GRIK3: variants seen among roughly 807,000 people sequenced by gnomAD.
GRIK3 encodes glutamate ionotropic receptor kainate type subunit 3, also known as glutamate receptor ionotropic, kainate 3.
GRIK3 carries 29 observed loss-of-function variants against 102.5 expected under a neutral mutation model. The observed-to-expected ratio is 0.28, with a 90% CI of 0.21 to 0.39. The LOEUF (loss-of-function observed/expected upper bound fraction) is 0.39, where lower values mean the gene tolerates loss of function less well. Among genes scored for constraint, GRIK3 ranks in the 10% least tolerant of loss-of-function variants. GRIK3 has a pLI of 1.00. For synonymous variants in GRIK3, 511 were observed against 504.9 expected, an observed-to-expected ratio of 1.01 and a Z score of -0.16; for missense variants, 908 against 1,252.4, an observed-to-expected ratio of 0.73 and a Z score of 4.15.
chr1:37,000,883 T>A (rs1274849525), intron 1 of GRIK3, among the ~76,000 whole-genome samples: 6 of 151,672 alleles, frequency 4.0e-5, no homozygotes, highest in African/African-American at 1.5e-4. Context: ...CCCAAGGGAG[T>A]CTTTCATCTC....
chr1:36,824,996 A>C (rs1642740183), intron 11 of GRIK3, among the ~76,000 whole-genome samples: 1 of 152,198 alleles, frequency 6.6e-6, no homozygotes, highest in Non-Finnish European at 1.5e-5. Flanking sequence ...TTCGCCAAAC[A>C]CTGGGCGAAA....
chr1:36,818,173 A>G (rs1428564096), intron 12 of GRIK3, among the ~76,000 whole-genome samples: 3 of 151,996 alleles, frequency 2.0e-5, no homozygotes, highest in Non-Finnish European at 4.4e-5. Context: ...ATACATAACT[A>G]TTTTTCTCCC....
intron 13 of GRIK3, among the ~76,000 whole-genome samples, chr1:36,808,682 G>A (rs908244368): frequency 6.6e-6 from 1 of 152,198 alleles, no homozygotes; most frequent in Non-Finnish European, 1.5e-5. Flanking sequence ...GCAGCCCCAT[G>A]AGGGACCCTG....
rs751325565 is a variant in GRIK3 at position 36,869,728 on chromosome 1, A to G, written c.786+20T>C. 14 of 1,583,032 alleles carry G rather than the reference A, an allele frequency of 8.8e-6. No homozygotes were observed. The highest frequency in any genetic ancestry group is 1.0e-5 in the Non-Finnish European group (12 of 1,151,576). On this transcript the variant is annotated intron_variant, in intron 5 of 15. Coordinates refer to ENST00000373091, the MANE Select transcript of GRIK3 (RefSeq NM_000831.4). ...GAGAGTCCCACCCCTTTCCCGTGCC[A>G]GGACCCAGAGGTACATTACCAGAGT...
intron 1 of GRIK3, among the ~76,000 whole-genome samples, chr1:36,926,440 G>A (rs987235230): frequency 2.6e-5 from 4 of 151,626 alleles, no homozygotes; most frequent in African/African-American, 9.7e-5. Context: ...ACCCAGGCTG[G>A]AGTGCAACAG....
At chr1:36,809,771 A>G (rs1450295381) in intron 13 of GRIK3, among the ~76,000 whole-genome samples, 1 of 152,226 alleles carries the variant, frequency 6.6e-6, no homozygotes, top group Admixed American at 6.5e-5. Context: ...GAGGAAAGAC[A>G]CAAGAAAGGC....
intron 10 of GRIK3, among the ~76,000 whole-genome samples, chr1:36,835,937 C>G (rs1041870441): frequency 3.3e-5 from 5 of 152,152 alleles, no homozygotes; most frequent in Non-Finnish European, 5.9e-5. Context: ...CCTGGTCTCC[C>G]CAGACAGACC....
intron 1 of GRIK3, among the ~76,000 whole-genome samples, chr1:37,006,075 A>G (rs1335052390): frequency 6.6e-6 from 1 of 152,158 alleles, no homozygotes; most frequent in Non-Finnish European, 1.5e-5. Context: ...GTGCATTTGA[A>G]TCTGTGGGAG....
Position 36,942,338 on chromosome 1 carries a change from G to A in GRIK3, c.116-51242C>T, listed in dbSNP as rs771065888. Reference sequence around the variant, plus strand: ...AGGAAAGGGCCGAGCTGATAGCAGCGTCTGCCAGCTTGTCAGTTCTGCGGA... The same window carrying A: ...AGGAAAGGGCCGAGCTGATAGCAGCATCTGCCAGCTTGTCAGTTCTGCGGA... On this transcript the variant is annotated intron_variant, in intron 1 of 15. Transcript: ENST00000373091. Among the ~76,000 whole-genome samples the A allele has an allele frequency of 1.4e-4, 21 of 152,342 alleles. No homozygotes were observed. The South Asian group carries it at 2.5e-3, about 18-fold the overall frequency.
At chr1:37,020,315 T>TC (rs1642695989) in intron 1 of GRIK3, among the ~76,000 whole-genome samples, 1 of 152,184 alleles carries the variant, frequency 6.6e-6, no homozygotes, top group Non-Finnish European at 1.5e-5. Context: ...CACATTTAAT[T>TC]CCCATCACCT....
chr1:36,887,140 A>G (rs1641046698), intron 2 of GRIK3, among the ~76,000 whole-genome samples: 1 of 152,226 alleles, frequency 6.6e-6, no homozygotes, highest in African/African-American at 2.4e-5. Context: ...CATTGTATAG[A>G]AAAAATAAGC....
At chr1:36,870,066 C>T (rs1013890932) in intron 4 of GRIK3, among the ~76,000 whole-genome samples, 6 of 152,254 alleles carry the variant, frequency 3.9e-5, no homozygotes, top group African/African-American at 1.4e-4. Context: ...ATTCCAAATT[C>T]TGCAGGGCCC....
chr1:36,908,686 T>C (rs767394401), intron 1 of GRIK3, among the ~76,000 whole-genome samples: 1 of 152,222 alleles, frequency 6.6e-6, no homozygotes, highest in Non-Finnish European at 1.5e-5. Context: ...GGCATTAATT[T>C]GAAGAGCCAG....
intron 2 of GRIK3, among the ~76,000 whole-genome samples, chr1:36,890,427 G>A (rs1641100989): frequency 6.6e-6 from 1 of 151,514 alleles, no homozygotes. Context: ...TCGCACCACT[G>A]TACTCCAGCC....
chr1:36,876,637 A>G (rs1031778503), intron 3 of GRIK3, among the ~76,000 whole-genome samples: 8 of 152,198 alleles, frequency 5.3e-5, no homozygotes, highest in Non-Finnish European at 1.0e-4. Flanking sequence ...GATGGACACA[A>G]TCTCCAAAGC....
intron 1 of GRIK3, among the ~76,000 whole-genome samples, chr1:36,951,782 AGAC>A (rs367666722): frequency 1.3e-5 from 2 of 151,654 alleles, no homozygotes; most frequent in African/African-American, 4.8e-5. Context: ...GGGCTGAGGA[AGAC>A]GAGGAGGAGG....
chr1:36,970,012 GT>G (rs1165866527), intron 1 of GRIK3, among the ~76,000 whole-genome samples: 1 of 152,224 alleles, frequency 6.6e-6, no homozygotes, highest in African/African-American at 2.4e-5. Context: ...GAAGGGCAAG[GT>G]TGACAGGTAG....
At chr1:36,935,863 C>T (rs1286405290) in intron 1 of GRIK3, among the ~76,000 whole-genome samples, 3 of 152,180 alleles carry the variant, frequency 2.0e-5, no homozygotes, top group Admixed American at 1.3e-4. Flanking sequence ...GGATTCTAAA[C>T]CAATTAATCG....
At chr1:36,913,788 G>A (rs1286328775) in intron 1 of GRIK3, among the ~76,000 whole-genome samples, 1 of 152,092 alleles carries the variant, frequency 6.6e-6, no homozygotes, top group East Asian at 1.9e-4. Flanking sequence ...CTAAGATGCT[G>A]AAAATATCAC....
Sources: gnomAD v4.1 joint callset for allele counts (sites outside exome capture counted in the v4.1 genomes callset) on GRCh38, gnomAD v4.1.1 for gene constraint, MANE v1.5 for transcripts, NCBI Gene and HGNC (gene_info 2026-07-23, HGNC 2026-07-21) for gene names.